Variants in CSMD1 observed in about 807,000 individuals in gnomAD.
CSMD1 encodes the protein CUB and Sushi multiple domains 1, also known as CUB and sushi domain-containing protein 1.
In CSMD1, 213 loss-of-function variants were observed where a neutral mutation model predicts 417.5. The observed-to-expected ratio is 0.51, with a 90% confidence interval of 0.46 to 0.57. The LOEUF (loss-of-function observed/expected upper bound fraction) is 0.57. Ranked by LOEUF, CSMD1 falls within the 20% of genes least tolerant of loss-of-function variation. The probability of loss-of-function intolerance (pLI) is 0.00; values close to 1 mark genes in which losing one functional copy is unlikely to be tolerated. For synonymous variants in CSMD1, 2,862 were observed against 1,736.8 expected, an observed-to-expected ratio of 1.65 and a Z score of -16.11; for missense variants, 6,923 against 4,529.7, an observed-to-expected ratio of 1.53 and a Z score of -15.17.
intron 7 of CSMD1, among the ~76,000 whole-genome samples, chr8:3,636,497 G>C (rs929666846): frequency 6.6e-6 from 1 of 152,132 alleles, no homozygotes. Context: ...AAATCTTTAG[G>C]AGTCTATCTA....
chr8:3,484,770 G>C (rs1395605957), intron 11 of CSMD1, among the ~76,000 whole-genome samples: 2 of 152,174 alleles, frequency 1.3e-5, no homozygotes, highest in South Asian at 2.1e-4. Flanking sequence ...ATGGGAAAAA[G>C]ACTTAGACAT....
At chr8:3,870,973 A>T (rs187244253) in intron 5 of CSMD1, among the ~76,000 whole-genome samples, 16 of 150,938 alleles carry the variant, frequency 1.1e-4, no homozygotes, top group African/African-American at 3.9e-4. Context: ...ATTCTTAAAT[A>T]TAAGTTAATT....
intron 2 of CSMD1, among the ~76,000 whole-genome samples, chr8:4,580,786 T>C (rs886103982): frequency 2.3e-4 from 35 of 152,246 alleles, no homozygotes; most frequent in African/African-American, 8.2e-4. Context: ...TTCCTTATGA[T>C]AGTGTTAATT....
At chr8:4,578,848 C>T (rs1237153054) in intron 2 of CSMD1, among the ~76,000 whole-genome samples, 2 of 146,714 alleles carry the variant, frequency 1.4e-5, no homozygotes, top group East Asian at 4.1e-4. Flanking sequence ...TCTTTACAAG[C>T]AGAAATGGCG....
chr8:4,022,757 G>C (rs916294291), intron 4 of CSMD1, among the ~76,000 whole-genome samples: 2 of 152,216 alleles, frequency 1.3e-5, no homozygotes, highest in African/African-American at 4.8e-5. Context: ...TAGAAACTTT[G>C]GGAATCAGAG....
At chr8:4,564,591 G>C (rs1295148501) in intron 2 of CSMD1, among the ~76,000 whole-genome samples, 1 of 152,272 alleles carries the variant, frequency 6.6e-6, no homozygotes, top group Non-Finnish European at 1.5e-5. Flanking sequence ...ACAGAGAAAA[G>C]TAAGCAAATC....
At chr8:4,759,759 G>A (rs1471029566) in intron 1 of CSMD1, among the ~76,000 whole-genome samples, 1 of 152,128 alleles carries the variant, frequency 6.6e-6, no homozygotes, top group African/African-American at 2.4e-5. Flanking sequence ...CATTTTTATG[G>A]CTGCATAGTA....
chr8:4,783,500 A>C (rs953763618), intron 1 of CSMD1, among the ~76,000 whole-genome samples: 2 of 152,226 alleles, frequency 1.3e-5, no homozygotes, highest in Admixed American at 1.3e-4. Context: ...TATTGTCATT[A>C]AATAAAGAAA....
At chr8:3,604,300 G>A (rs529464324) in intron 8 of CSMD1, among the ~76,000 whole-genome samples, 21 of 150,722 alleles carry the variant, frequency 1.4e-4, no homozygotes, top group Admixed American at 1.1e-3. Flanking sequence ...GGGAGGCTGC[G>A]GGGGGGGACC....
intron 1 of CSMD1, among the ~76,000 whole-genome samples, chr8:4,712,027 A>G (rs1407309723): frequency 1.3e-5 from 2 of 152,200 alleles, no homozygotes; most frequent in South Asian, 2.1e-4. Flanking sequence ...GAGAAAATCT[A>G]GAAGAGATTT....
At chr8:4,603,090 T>A (rs1270284031) in intron 2 of CSMD1, among the ~76,000 whole-genome samples, 1 of 152,006 alleles carries the variant, frequency 6.6e-6, no homozygotes, top group Non-Finnish European at 1.5e-5. Context: ...AATAAGGGAA[T>A]AAAAATTATA....
chr8:4,370,749 A>C lies in CSMD1; in HGVS notation c.415+49204T>G, dbSNP rs908392521. Among the ~76,000 whole-genome samples, 22 of 152,160 alleles carry C rather than the reference A, an allele frequency of 1.4e-4. 1 individual carries two copies. The highest frequency in any genetic ancestry group is 2.4e-4 in the Non-Finnish European group (16 of 68,024). ...AGTTAATGTCACCAGTTGTGTTTCG[A>C]AATTCCTGTGGCAAATTTAATTCAC... is the stretch of plus-strand genomic sequence containing the variant. On this transcript the variant is annotated intron_variant, in intron 3 of 69. Transcript: ENST00000635120.
intron 25 of CSMD1, among the ~76,000 whole-genome samples, chr8:3,299,112 A>G (rs1804187089): frequency 6.6e-6 from 1 of 152,184 alleles, no homozygotes; most frequent in Non-Finnish European, 1.5e-5. Context: ...AAATTGTTAA[A>G]AGTCAAAATG....
chr8:3,739,771 G>A (rs1230245894), intron 6 of CSMD1, among the ~76,000 whole-genome samples: 2 of 137,290 alleles, frequency 1.5e-5, no homozygotes, highest in African/African-American at 5.3e-5. Context: ...GCTACAGTCA[G>A]CTGAGATCAA....
chr8:3,869,926 A>C (rs1805365914), intron 5 of CSMD1, among the ~76,000 whole-genome samples: 1 of 152,210 alleles, frequency 6.6e-6, no homozygotes, highest in Admixed American at 6.5e-5. Flanking sequence ...CCCTTTCCTT[A>C]AGCAAAAGAG....
At chr8:4,685,300 G>A (rs746708577) in intron 1 of CSMD1, among the ~76,000 whole-genome samples, 3 of 152,152 alleles carry the variant, frequency 2.0e-5, no homozygotes, top group South Asian at 4.1e-4. Context: ...ATGGCCAGGC[G>A]TGTTGGCTCA....
At chr8:3,051,998 C>A (rs540266729) in intron 50 of CSMD1, among the ~76,000 whole-genome samples, 4 of 152,260 alleles carry the variant, frequency 2.6e-5, no homozygotes, top group African/African-American at 9.6e-5. Context: ...TACTGAGCAT[C>A]GATGTGTTAT....
intron 50 of CSMD1, among the ~76,000 whole-genome samples, chr8:3,037,777 C>A (rs556254489): frequency 6.6e-6 from 1 of 152,076 alleles, no homozygotes; most frequent in Non-Finnish European, 1.5e-5. Flanking sequence ...AAGTTAACTT[C>A]TAGGAAGTAA....
At chr8:4,243,032 A>C (rs1385549351) in intron 3 of CSMD1, among the ~76,000 whole-genome samples, 2 of 152,180 alleles carry the variant, frequency 1.3e-5, no homozygotes, top group Non-Finnish European at 2.9e-5. Context: ...AGAATGGCAG[A>C]GGTTTTATCT....
Sources: gnomAD v4.1 joint callset for allele counts (sites outside exome capture counted in the v4.1 genomes callset) on GRCh38, gnomAD v4.1.1 for gene constraint, MANE v1.5 for transcripts, NCBI Gene and HGNC (gene_info 2026-07-23, HGNC 2026-07-21) for gene names.